The following KNL1 variants were observed in gnomAD, a reference collection of about 807,000 sequenced individuals.
KNL1 encodes the protein outer kinetochore KNL1 complex subunit KNL1.
KNL1 carries 66 observed loss-of-function variants against 201.3 expected under a neutral mutation model. The ratio of observed to expected loss-of-function variants is 0.33; its 90% CI spans 0.27 to 0.40. The LOEUF (loss-of-function observed/expected upper bound fraction) is 0.40. Among genes scored for constraint, KNL1 ranks in the 10% least tolerant of loss-of-function variants. The pLI, the probability that KNL1 is intolerant of heterozygous loss-of-function variation, is 1.00. For synonymous variants in KNL1, 895 were observed against 899.2 expected (o/e 1.00, Z 0.08); for missense variants, 2,815 against 2,690.5 (o/e 1.05, Z -1.02).
At chr15:40,603,030 G>C in intron 2 of KNL1, 64 bp downstream of exon 2, 1 of 1,047,578 alleles carries the variant, frequency 9.5e-7, no homozygotes, top group Non-Finnish European at 1.4e-6. Context: ...TTTCTAATTA[G>C]TAAGACCTAT....
Position 40,622,525 on chromosome 15 carries a change from T to C in KNL1, c.2261T>C (p.Ile754Thr). Reference sequence around the variant, plus strand: ...GACTATTGCCATGACAAGATGATTATATGTTCAGAGGAAGAGCAAAATATG... The same window carrying C: ...GACTATTGCCATGACAAGATGATTACATGTTCAGAGGAAGAGCAAAATATG... Reference protein sequence around the residue: ...TPDYCHDKMIICSEEEQNMDL... With the variant: ...TPDYCHDKMITCSEEEQNMDL... The change falls in exon 10 of 26, where the codon ATA becomes ACA. Residue 754 changes from isoleucine (I) to threonine (T), a missense_variant. Around this residue, in one of 3 missense-constraint regions of KNL1, gnomAD observed 2,464 missense variants for 2,291.7 expected, o/e 1.08. Transcript: ENST00000399668. 6.2e-7 allele frequency: 1 copy of C among 1,614,008 alleles called. No individual in the cohort carries two copies. Among genetic ancestry groups the C allele is most frequent in the Non-Finnish European group, 8.5e-7 (1 of 1,179,908 alleles).
chr15:40,610,872 C>T (rs1331149842), intron 6 of KNL1: 1 of 453,070 alleles, frequency 2.2e-6, no homozygotes. Flanking sequence ...GCCTCAGCCT[C>T]CCAGGTAGCC....
chr15:40,615,472 A>G, intron 8 of KNL1, 94 bp downstream of exon 8: 1 of 312,554 alleles, frequency 3.2e-6, no homozygotes, highest in Non-Finnish European at 5.6e-6. Flanking sequence ...TGAACCACGA[A>G]AAAAAAGCAA....
chr15:40,657,533 C>G (rs575300203), intron 24 of KNL1, 60 bp downstream of exon 24: 2 of 887,678 alleles, frequency 2.3e-6, no homozygotes, highest in Non-Finnish European at 3.8e-6. Flanking sequence ...GGTACCTTAA[C>G]AGGTTCTGGA....
In KNL1 at chr15:40,662,731, G is replaced by A. The variant is rs887858492; in HGVS notation, c.*543G>A. On this transcript the variant is annotated 3_prime_UTR_variant, in exon 26 of 26. Coordinates refer to ENST00000399668, the MANE Select transcript of KNL1 (RefSeq NM_144508.5). ...TACCAGCAGTTTGGGAGGCCAAAAT[G>A]GGTGAATAGCCTGAGTCCAGGAATT... The A allele has an allele frequency of 1.1e-5, 2 of 180,258 alleles. No homozygotes were observed. The highest frequency in any genetic ancestry group is 4.7e-5 in the African/African-American group (2 of 42,358). The allele number at this position is 180,258 out of a possible 1,614,324, so 11.2% of individuals were successfully genotyped here.
intron 13 of KNL1, among the ~76,000 whole-genome samples, chr15:40,631,053 G>A (rs990285689): frequency 1.3e-5 from 2 of 152,112 alleles, no homozygotes; most frequent in Non-Finnish European, 2.9e-5. Context: ...AGGAAGTGAA[G>A]GTTGCATTAA....
At position 40,628,485 on chromosome 15, in the gene KNL1, A is replaced by T. The variant is rs1457883021; in HGVS notation, c.5516-126A>T. ...ACTATAATATACTTTGCCCTGCTAC[A>T]TGACTGTCTTCCCAGAAAGATCCCA... is the stretch of plus-strand genomic sequence containing the variant. On this transcript the variant is annotated intron_variant, in intron 11 of 25. Coordinates refer to ENST00000399668, the MANE Select transcript of KNL1 (RefSeq NM_144508.5). 24 of 719,238 alleles carry T rather than the reference A, an allele frequency of 3.3e-5. No homozygotes were observed. In the Middle Eastern group the frequency reaches 9.8e-4, roughly 29 times the overall value. The allele number at this position is 719,238 out of a possible 1,614,324, so 44.6% of individuals were successfully genotyped here. A position where few individuals can be genotyped will look rare whatever the true frequency, so the allele number is the denominator to read the frequency against.
intron 13 of KNL1, among the ~76,000 whole-genome samples, chr15:40,632,962 C>T (rs889725372): frequency 1.3e-5 from 2 of 151,994 alleles, no homozygotes; most frequent in Admixed American, 6.6e-5. Context: ...GATATTTTTC[C>T]AAAGAACAGT....
At chr15:40,646,485 T>G (rs956424622) in intron 16 of KNL1, among the ~76,000 whole-genome samples, 11 of 152,038 alleles carry the variant, frequency 7.2e-5, no homozygotes, top group African/African-American at 2.7e-4. Context: ...CAGAGTTCTT[T>G]TGGCTAAAAC....
chr15:40,650,406 G>C, intron 18 of KNL1, 28 bp downstream of exon 18: 1 of 1,575,962 alleles, frequency 6.3e-7, no homozygotes, highest in Non-Finnish European at 8.7e-7. Context: ...GGAGATAAAT[G>C]GGTGTGGGGG....
intron 21 of KNL1, among the ~76,000 whole-genome samples, chr15:40,653,905 A>C (rs578153143): frequency 6.6e-6 from 1 of 152,196 alleles, no homozygotes; most frequent in African/African-American, 2.4e-5. Context: ...ACTCCTACTA[A>C]TAATTGTAAG....
chr15:40,662,410 C>A lies in KNL1; in HGVS notation c.*222C>A. The A allele has an allele frequency of 2.3e-6, 1 of 436,354 alleles. No individual in the cohort carries two copies. Among genetic ancestry groups the A allele is most frequent in the Non-Finnish European group, 4.1e-6 (1 of 243,802 alleles). 27.0% of individuals were successfully genotyped at this position (436,354 alleles called of 1,614,324 possible). On this transcript the variant is annotated 3_prime_UTR_variant, in exon 26 of 26. Transcript: ENST00000399668. ...TACTATCAACTTACTCATCTTTGTACCAAAGGTTTAAGTAATAGGACACTT... is the reference window on the plus strand; with the variant it reads ...TACTATCAACTTACTCATCTTTGTAACAAAGGTTTAAGTAATAGGACACTT...
chr15:40,654,471 A>T (rs1893660235), intron 21 of KNL1, among the ~76,000 whole-genome samples: 1 of 151,904 alleles, frequency 6.6e-6, no homozygotes, highest in South Asian at 2.1e-4. Context: ...GAGAATAATG[A>T]TTCAAGGATA....
At chr15:40,594,772 T>G (rs1171571350) in intron 1 of KNL1, among the ~76,000 whole-genome samples, 1 of 152,360 alleles carries the variant, frequency 6.6e-6, no homozygotes, top group African/African-American at 2.4e-5. Context: ...CGGCTGTTTG[T>G]ATTTCTCACT....
At position 40,622,168 on chromosome 15, in the gene KNL1, C is replaced by A. The variant is rs1892558549; in HGVS notation, c.1904C>A (p.Thr635Asn). ...RSDIIAKNSLTDTWNKDKDWV... is the reference protein window; with the variant it reads ...RSDIIAKNSLNDTWNKDKDWV... ...GACATAATAGCCAAAAACAGCTTAA[C>A]CGACACCTGGAACAAAGACAAAGAT... is the stretch of plus-strand genomic sequence containing the variant. Residue 635 changes from threonine to asparagine, a missense_variant, in exon 10 of 26, where the codon ACC (threonine) becomes AAC (asparagine). Thr to Asn is a moderately conservative substitution (Grantham distance 65). Transcript: ENST00000399668. The A allele has an allele frequency of 8.7e-6, 14 of 1,613,996 alleles. No individual in the cohort carries two copies. Among genetic ancestry groups the A allele is most frequent in the Non-Finnish European group, 1.2e-5 (14 of 1,179,990 alleles).
chr15:40,635,570 TCTCAAACTCCTGAC>T (rs1893032880), intron 13 of KNL1, among the ~76,000 whole-genome samples: 2 of 152,102 alleles, frequency 1.3e-5, no homozygotes, highest in Admixed American at 1.3e-4. Context: ...GTCAGGCTGG[TCTCAAACTCCTGAC>T]CTCAGATGAT....
chr15:40,655,540 G>A lies in KNL1; in HGVS notation c.6484+563G>A, dbSNP rs2412543. Among the ~76,000 whole-genome samples, 364 of 143,948 alleles carry A rather than the reference G, an allele frequency of 2.5e-3. 5 individuals carry two copies. In the South Asian group the frequency reaches 0.031, roughly 12 times the overall value. The allele number at this position is 143,948 out of a possible 152,430, so 94.4% of individuals were successfully genotyped here. A position where few individuals can be genotyped will look rare whatever the true frequency, so the allele number is the denominator to read the frequency against. On this transcript the variant is annotated intron_variant, in intron 22 of 25. Transcript: ENST00000399668. The stretch of plus-strand genomic sequence containing the variant: ...TGGGAGACGGAGGTTGCAGTGAGCC[G>A]AGATTGCGCCACTGCACTTCAAGCT...
chr15:40,626,832 G>A (rs9744142), intron 10 of KNL1, among the ~76,000 whole-genome samples: 3,022 of 151,112 alleles, frequency 0.02, 101 homozygotes, highest in African/African-American at 0.071. Flanking sequence ...CACCCACCTC[G>A]ACCTCCCAGA....
rs1891938942 is a variant in KNL1, at chr15:40,605,371, A to G, written c.75+222A>G. 2.0e-5 allele frequency among the ~76,000 whole-genome samples: 3 copies of G among 152,286 alleles called. No individual in the cohort carries two copies. The South Asian group carries it at 6.2e-4, about 32-fold the overall frequency. ...AATTTTATGAATTTTATGCTATGTA[A>G]GTTATACTTCAATAAAGCTGTTTAA... On this transcript the variant is annotated intron_variant, in intron 3 of 25. Transcript: ENST00000399668.
Sources: gnomAD v4.1 joint callset for allele counts (sites outside exome capture counted in the v4.1 genomes callset) on GRCh38, gnomAD v4.1.1 for gene constraint, gnomAD v4.1.1 regional missense constraint, MANE v1.5 for transcripts, NCBI Gene and HGNC (gene_info 2026-07-23, HGNC 2026-07-21) for gene names.